Variants in SLC20A2 observed in about 807,000 individuals in gnomAD.
SLC20A2 encodes the protein sodium-dependent phosphate transporter 2.
A neutral mutation model predicts 61.0 loss-of-function variants in SLC20A2; 30 were observed. The observed-to-expected ratio is 0.49, with a 90% CI of 0.37 to 0.67. The LOEUF (loss-of-function observed/expected upper bound fraction) is 0.67. Ranked by LOEUF, SLC20A2 falls within the 30% of genes least tolerant of loss-of-function variation. The probability of loss-of-function intolerance (pLI) is 0.00; values close to 1 mark genes in which losing one functional copy is unlikely to be tolerated. For synonymous variants in SLC20A2, 351 were observed against 353.3 expected, an observed-to-expected ratio of 0.99 and a Z score of 0.07; for missense variants, 626 against 866.4, an observed-to-expected ratio of 0.72 and a Z score of 3.48.
intron 10 of SLC20A2, among the ~76,000 whole-genome samples, chr8:42,423,796 C>T (rs975513553): frequency 2.0e-5 from 3 of 152,010 alleles, no homozygotes; most frequent in Non-Finnish European, 2.9e-5. Flanking sequence ...TCATGTCTTC[C>T]GTGAATGTAA....
chr8:42,502,528 G>A (rs1356928853), upstream of SLC20A2: 4 of 152,384 alleles, frequency 2.6e-5, no homozygotes, highest in South Asian at 2.1e-4. Flanking sequence ...AGCACAAACC[G>A]GTTGATCTTC....
chr8:42,488,779 G>C (rs1809258157), intron 1 of SLC20A2, among the ~76,000 whole-genome samples: 1 of 152,038 alleles, frequency 6.6e-6, no homozygotes, highest in Admixed American at 6.6e-5. Context: ...ATTGTGGTAT[G>C]ATTTTTCATT....
At chr8:42,508,853 T>C (rs1810874051) in intron 1 of SLC20A2, among the ~76,000 whole-genome samples, 1 of 152,220 alleles carries the variant, frequency 6.6e-6, no homozygotes, top group South Asian at 2.1e-4. Context: ...CATCAAGTAA[T>C]AGCTGCTTTG....
intron 8 of SLC20A2, among the ~76,000 whole-genome samples, chr8:42,435,524 A>G (rs967841844): frequency 6.6e-6 from 1 of 151,858 alleles, no homozygotes; most frequent in African/African-American, 2.4e-5. Context: ...TGCCTTGTCT[A>G]GGGGTTACAC....
chr8:42,430,614 G>C (rs552236782), intron 8 of SLC20A2, among the ~76,000 whole-genome samples: 12 of 152,218 alleles, frequency 7.9e-5, no homozygotes, highest in Admixed American at 3.3e-4. Flanking sequence ...GCCCACCTTG[G>C]CTTCCCAAAG....
chr8:42,424,419 G>A (rs926899315), intron 10 of SLC20A2, among the ~76,000 whole-genome samples: 2 of 152,080 alleles, frequency 1.3e-5, no homozygotes, highest in Admixed American at 1.3e-4. Context: ...GGGTTCAAGC[G>A]ATTCTCCGGC....
In SLC20A2 at chr8:42,500,028, C is replaced by A. The variant is rs541474664; in HGVS notation, c.-265+1003G>T. On this transcript the variant is annotated intron_variant, in intron 1 of 10. Coordinates refer to ENST00000520262, the MANE Select transcript of SLC20A2 (RefSeq NM_001257180.2). The stretch of plus-strand genomic sequence containing the variant: ...TACATAATAACAAAGAAGTCTTTAA[C>A]TAAATCTTTTCAAAATGGGAAAATG... Among the ~76,000 whole-genome samples, 3 of 152,306 alleles carry A rather than the reference C, an allele frequency of 2.0e-5. No individual in the cohort carries two copies. In the South Asian group the frequency reaches 6.2e-4, roughly 32 times the overall value.
chr8:42,459,876 T>C lies in SLC20A2; in HGVS notation c.613+20A>G. On this transcript the variant is annotated intron_variant, in intron 5 of 10. Coordinates refer to ENST00000520262, the MANE Select transcript of SLC20A2 (RefSeq NM_001257180.2). ...TACAATGCACTTTGCCCCTGGAGTA[T>C]GCTTCCAAGGGATCCTTACCTGGTG... The C allele has an allele frequency of 6.6e-7, 1 of 1,521,546 alleles. No individual in the cohort carries two copies. Among genetic ancestry groups the C allele is most frequent in the Non-Finnish European group, 9.1e-7 (1 of 1,097,536 alleles). 94.3% of individuals were successfully genotyped at this position (1,521,546 alleles called of 1,614,324 possible). A position where few individuals can be genotyped will look rare whatever the true frequency, so the allele number is the denominator to read the frequency against.
intron 1 of SLC20A2, among the ~76,000 whole-genome samples, chr8:42,495,077 G>C (rs1013016292): frequency 6.6e-6 from 1 of 151,162 alleles, no homozygotes; most frequent in African/African-American, 2.4e-5. Context: ...GAATGGTCTC[G>C]ATCTCCTGAC....
intron 5 of SLC20A2, among the ~76,000 whole-genome samples, chr8:42,450,296 T>G (rs963718251): frequency 1.3e-5 from 2 of 151,838 alleles, no homozygotes; most frequent in Admixed American, 6.6e-5. Context: ...GGTGCCATCT[T>G]GGCTCATTGC....
In SLC20A2 at chr8:42,456,759, G is replaced by T. The variant is rs558953618; in HGVS notation, c.613+3137C>A. Reference sequence around the variant, plus strand: ...AAAAAAAAAAAAAAAAAAAAAACAAGGACTAAGATATCTCCCGTTACAGAG... The same window carrying T: ...AAAAAAAAAAAAAAAAAAAAAACAATGACTAAGATATCTCCCGTTACAGAG... On this transcript the variant is annotated intron_variant, in intron 5 of 10. Transcript: ENST00000520262. 6.8e-5 allele frequency among the ~76,000 whole-genome samples: 10 copies of T among 147,466 alleles called. No homozygotes were observed. The South Asian group carries it at 2.2e-3, about 32-fold the overall frequency.
chr8:42,463,901 C>T (rs190251957), intron 3 of SLC20A2, among the ~76,000 whole-genome samples: 2 of 151,934 alleles, frequency 1.3e-5, no homozygotes, highest in East Asian at 1.9e-4. Context: ...GAAAGAGTAT[C>T]GTTCACGATG....
chr8:42,477,495 G>A (rs1255550111), intron 1 of SLC20A2, among the ~76,000 whole-genome samples: 5 of 120,776 alleles, frequency 4.1e-5, no homozygotes, highest in Non-Finnish European at 8.1e-5. Context: ...TTTTGAGACC[G>A]AGTCTTGCTC....
chr8:42,473,906 C>G (rs992116774), intron 1 of SLC20A2, among the ~76,000 whole-genome samples: 3 of 152,170 alleles, frequency 2.0e-5, no homozygotes, highest in Admixed American at 6.5e-5. Context: ...TGTAGTGGCT[C>G]ACGCCTATAA....
At chr8:42,528,962 C>T (rs1031018977) in intron 1 of SLC20A2, among the ~76,000 whole-genome samples, 3 of 119,074 alleles carry the variant, frequency 2.5e-5, no homozygotes, top group Admixed American at 1.7e-4. Context: ...CCACCGAGCC[C>T]GGCCTATTAT....
intron 1 of SLC20A2, among the ~76,000 whole-genome samples, chr8:42,510,858 GA>G (rs1246655498): frequency 6.7e-6 from 1 of 149,080 alleles, no homozygotes; most frequent in African/African-American, 2.5e-5. Context: ...ATGGATTTTT[GA>G]AAAAAAAATT....
chr8:42,507,245 T>C (rs1489111967), intron 1 of SLC20A2, among the ~76,000 whole-genome samples: 1 of 152,198 alleles, frequency 6.6e-6, no homozygotes, highest in African/African-American at 2.4e-5. Context: ...CCAAAAAGGC[T>C]GCATGCTCAG....
At chr8:42,531,975 C>T (rs921723961) in intron 1 of SLC20A2, among the ~76,000 whole-genome samples, 4 of 137,066 alleles carry the variant, frequency 2.9e-5, no homozygotes, top group African/African-American at 1.1e-4. Context: ...CCTGCCACCA[C>T]GCCTGGCTAA....
Position 42,472,684 on chromosome 8 carries a change from A to C in SLC20A2, c.-264-30T>G, listed in dbSNP as rs541665725. 3.0e-6 allele frequency: 1 copy of C among 337,192 alleles called. No homozygotes were observed. The highest frequency in any genetic ancestry group is 6.2e-5 in the East Asian group (1 of 16,126). The allele number at this position is 337,192 out of a possible 1,614,324, so 20.9% of individuals were successfully genotyped here. On this transcript the variant is annotated intron_variant, in intron 1 of 10. Coordinates refer to ENST00000520262, the MANE Select transcript of SLC20A2 (RefSeq NM_001257180.2). This position sits in a 1 kb window ranked among gnomAD's most constrained non-coding sequence, Gnocchi z 4.1. ...AGCAGAAAGGAAACAAAAGAAATCA[A>C]TTATACTCAGCAACCTGTAACAGTT...
Sources: allele counts gnomAD v4.1 joint callset (sites outside exome capture counted in the v4.1 genomes callset), GRCh38; gene constraint gnomAD v4.1.1; non-coding constraint Gnocchi (gnomAD v3.1); transcripts MANE v1.5; gene names NCBI Gene and HGNC (gene_info 2026-07-23, HGNC 2026-07-21).